Variants in TAF13 observed in about 807,000 individuals in gnomAD.
The protein encoded by TAF13 is TATA-box binding protein associated factor 13, also known as transcription initiation factor TFIID subunit 13.
A neutral mutation model predicts 18.7 loss-of-function variants in TAF13; 9 were observed. The ratio of observed to expected loss-of-function variants is 0.48; its 90% CI spans 0.29 to 0.84. The LOEUF (loss-of-function observed/expected upper bound fraction) is 0.84, where lower values mean the gene tolerates loss of function less well. TAF13 is among the 40% of genes least tolerant of loss of function. The probability of loss-of-function intolerance (pLI) is 0.08; values close to 1 mark genes in which losing one functional copy is unlikely to be tolerated. For synonymous variants in TAF13, 49 were observed against 44.1 expected (o/e 1.11, Z -0.44); for missense variants, 105 against 146.5 (o/e 0.72, Z 1.46).
chr1:109,064,341 A>C lies in TAF13; in HGVS notation c.*182T>G. The C allele has an allele frequency of 2.3e-6, 1 of 440,212 alleles. No homozygotes were observed. The highest frequency in any genetic ancestry group is 3.8e-6 in the Non-Finnish European group (1 of 263,898). 27.3% of individuals were successfully genotyped at this position (440,212 alleles called of 1,614,324 possible). On this transcript the variant is annotated 3_prime_UTR_variant, in exon 4 of 4. Transcript: ENST00000338366. ...TAAGTAATTCAAGTATGGTAATATA[A>C]AGGCAGGCAATTACATGCACCAATA...
chr1:109,071,816 G>A (rs538894059), intron 2 of TAF13, among the ~76,000 whole-genome samples: 15 of 151,312 alleles, frequency 9.9e-5, no homozygotes, highest in African/African-American at 3.2e-4. Context: ...GCTAGGCGTC[G>A]TGGCATGTGC....
Position 109,066,207 on chromosome 1 carries a change from C to T in TAF13, c.132G>A (p.Gly44=). The change falls in exon 3 of 4, where the codon GGG becomes GGA. Residue 44 remains glycine (G), a synonymous_variant. Coordinates refer to ENST00000338366, the MANE Select transcript of TAF13 (RefSeq NM_005645.4). ...ACTCAGTATAAGGATTCTGGTCATC[C>T]CCAAAGCCATACATCATACATCGCA... ...KELRCMMYGF[G]DDQNPYTESV... 6.2e-7 allele frequency: 1 copy of T among 1,611,850 alleles called. No individual in the cohort carries two copies. The highest frequency in any genetic ancestry group is 8.5e-7 in the Non-Finnish European group (1 of 1,179,232).
chr1:109,074,030 G>C (rs1157960913), intron 2 of TAF13, among the ~76,000 whole-genome samples: 1 of 152,194 alleles, frequency 6.6e-6, no homozygotes, highest in East Asian at 1.9e-4. Context: ...CCCGCATCTG[G>C]GAAGTAAGGA....
chr1:109,069,013 A>T (rs191069256), intron 2 of TAF13, among the ~76,000 whole-genome samples: 10 of 152,282 alleles, frequency 6.6e-5, no homozygotes, highest in Admixed American at 5.9e-4. Flanking sequence ...AAAAATAAAA[A>T]AAGAAGTCCT....
At chr1:109,068,091 C>T (rs562676258) in intron 2 of TAF13, among the ~76,000 whole-genome samples, 4 of 152,232 alleles carry the variant, frequency 2.6e-5, no homozygotes, top group East Asian at 1.9e-4. Context: ...CCCTGGCTCA[C>T]GTGAGCAGCT....
chr1:109,070,635 C>A (rs753330546), intron 2 of TAF13, among the ~76,000 whole-genome samples: 5 of 152,178 alleles, frequency 3.3e-5, no homozygotes, highest in Admixed American at 6.5e-5. Context: ...CTCAAGTGAT[C>A]CTCCCACCTT....
chr1:109,074,775 G>A (rs1405711243), intron 2 of TAF13, among the ~76,000 whole-genome samples: 4 of 142,270 alleles, frequency 2.8e-5, no homozygotes, highest in Admixed American at 7.0e-5. Flanking sequence ...GCGAGACTCC[G>A]TCTCAAAAAA....
chr1:109,069,202 AGT>A (rs59365913), intron 2 of TAF13, among the ~76,000 whole-genome samples: 27 of 150,296 alleles, frequency 1.8e-4, no homozygotes, highest in South Asian at 6.3e-4. Context: ...CAAGTGTGTG[AGT>A]GTGTGTGTGT....
chr1:109,064,728 T>A (rs200287447), intron 3 of TAF13, 35 bp from the exon 4 acceptor site: 23 of 1,388,480 alleles, frequency 1.7e-5, no homozygotes, highest in African/African-American at 8.9e-5. Context: ...TTAACTTTTT[T>A]AAATCTAATA....
chr1:109,074,966 T>C (rs779071168), intron 2 of TAF13, 21 bp downstream of exon 2: 3 of 1,572,268 alleles, frequency 1.9e-6, no homozygotes, highest in Non-Finnish European at 2.6e-6. Context: ...TATAACAAAA[T>C]CATTGTCAAA....
chr1:109,064,617 G>T lies in TAF13; in HGVS notation c.281C>A (p.Pro94Gln). The T allele has an allele frequency of 1.3e-6, 2 of 1,581,894 alleles. No individual in the cohort carries two copies. The highest frequency in any genetic ancestry group is 1.7e-6 in the Non-Finnish European group (2 of 1,164,540). ...GTCTTTAACCCTGGCAAACTTCCTT[G>T]GGTCCTTTCGAATCAAGAAGACGAT... ...EDIVFLIRKD[P>Q]RKFARVKDLL... Residue 94 changes from proline to glutamine, a missense_variant, in exon 4 of 4, where the codon CCA becomes CAA. Coordinates refer to ENST00000338366, the MANE Select transcript of TAF13 (RefSeq NM_005645.4).
intron 2 of TAF13, among the ~76,000 whole-genome samples, chr1:109,074,155 A>C (rs1664137059): frequency 6.6e-6 from 1 of 152,212 alleles, no homozygotes; most frequent in Admixed American, 6.5e-5. Context: ...TGTGGGGAAA[A>C]GAAAGAGAGA....
At chr1:109,065,815 G>A (rs575514650) in intron 3 of TAF13, among the ~76,000 whole-genome samples, 46 of 151,864 alleles carry the variant, frequency 3.0e-4, no homozygotes, top group Middle Eastern at 6.8e-3. Context: ...CCAGCTCCTC[G>A]GAGGCTGAGG....
chr1:109,075,701 G>A (rs1664166860), intron 1 of TAF13, among the ~76,000 whole-genome samples: 1 of 152,104 alleles, frequency 6.6e-6, no homozygotes, highest in Non-Finnish European at 1.5e-5. Flanking sequence ...TCAGTGTCTG[G>A]CAAATACAGA....
intron 2 of TAF13, among the ~76,000 whole-genome samples, chr1:109,068,951 G>A (rs1663998394): frequency 6.6e-6 from 1 of 152,118 alleles, no homozygotes; most frequent in Non-Finnish European, 1.5e-5. Flanking sequence ...GCGGAGAGCT[G>A]AGATCATGCC....
At chr1:109,072,666 A>G (rs1162590240) in intron 2 of TAF13, among the ~76,000 whole-genome samples, 1 of 150,860 alleles carries the variant, frequency 6.6e-6, no homozygotes, top group Non-Finnish European at 1.5e-5. Flanking sequence ...GCTGGTCTTG[A>G]CCTCCTGGGC....
At chr1:109,075,118 T>A in intron 1 of TAF13, 53 bp from the exon 2 acceptor site, 1 of 1,438,238 alleles carries the variant, frequency 7.0e-7, no homozygotes, top group Non-Finnish European at 9.5e-7. Flanking sequence ...TTGCATTTGA[T>A]ATTTTAATAA....
intron 2 of TAF13, among the ~76,000 whole-genome samples, chr1:109,070,286 T>A (rs1288138042): frequency 6.6e-6 from 1 of 152,052 alleles, no homozygotes. Context: ...TGGTGTGATC[T>A]CGGCTCACTG....
intron 2 of TAF13, among the ~76,000 whole-genome samples, chr1:109,070,036 G>A (rs1163101022): frequency 1.3e-5 from 2 of 152,140 alleles, no homozygotes; most frequent in African/African-American, 4.8e-5. Flanking sequence ...ACCATAGGGA[G>A]TCATCAAAGC....
Sources: allele counts gnomAD v4.1 joint callset (sites outside exome capture counted in the v4.1 genomes callset), GRCh38; gene constraint gnomAD v4.1.1; transcripts MANE v1.5; gene names NCBI Gene and HGNC (gene_info 2026-07-23, HGNC 2026-07-21).